Variants in CLVS1 observed in about 807,000 individuals in gnomAD.
CLVS1 encodes clavesin 1, also known as clavesin-1.
Under a neutral mutation model 33.1 loss-of-function variants are expected in CLVS1, and 10 were observed. That is an observed-to-expected ratio of 0.30 (90% CI 0.19 to 0.51). The LOEUF is 0.51. Among genes scored for constraint, CLVS1 ranks in the 20% least tolerant of loss-of-function variants. The pLI is 0.97. For missense variants in CLVS1, 343 were observed against 433.4 expected (o/e 0.79, Z 1.85); for synonymous variants, 163 against 166.1 (o/e 0.98, Z 0.14).
chr8:61,028,049 C>T, the CLVS1 span, among the ~76,000 whole-genome samples: 1 of 152,202 alleles, frequency 6.6e-6, no homozygotes, highest in Non-Finnish European at 1.5e-5. Context: ...AAATATGATA[C>T]ATTTCCCTGC....
intron 3 of CLVS1, among the ~76,000 whole-genome samples, chr8:61,396,647 C>T (rs1814539138): frequency 6.6e-6 from 1 of 152,092 alleles, no homozygotes; most frequent in African/African-American, 2.4e-5. Context: ...ATTTTCATTA[C>T]CCCCAAAAAC....
intron 2 of CLVS1, among the ~76,000 whole-genome samples, chr8:61,333,301 C>T (rs943745270): frequency 6.6e-6 from 1 of 152,136 alleles, no homozygotes; most frequent in African/African-American, 2.4e-5. Context: ...AACCAGAAAA[C>T]TCCTTTACGT....
Position 61,121,459 on chromosome 8 carries a change from G to T in CLVS1, c.-242-10311G>T, listed in dbSNP as rs144227836. Among the ~76,000 whole-genome samples the T allele has an allele frequency of 1.2e-3, 179 of 152,292 alleles. 1 individual carries two copies. Among genetic ancestry groups the T allele is most frequent in the Non-Finnish European group, 1.9e-3 (130 of 68,032 alleles). On this transcript the variant is annotated intron_variant, in intron 1 of 2. Coordinates refer to the CLVS1 transcript ENST00000522621. Reference sequence around the variant, plus strand: ...ACTCTGTGTGTGTGTTTGTGTGTGTGTGTATGTGAATGCGTGTATCTGTTT... The same window carrying T: ...ACTCTGTGTGTGTGTTTGTGTGTGTTTGTATGTGAATGCGTGTATCTGTTT...
the CLVS1 span, among the ~76,000 whole-genome samples, chr8:60,986,669 A>G: frequency 5.2e-3 from 789 of 152,382 alleles, 7 homozygotes; most frequent in Non-Finnish European, 7.1e-3. Context: ...TTTGTTGTTA[A>G]CATGGTAAAC....
intron 2 of CLVS1, among the ~76,000 whole-genome samples, chr8:61,242,121 G>T (rs889961848): frequency 4.6e-5 from 7 of 151,922 alleles, no homozygotes; most frequent in Non-Finnish European, 1.0e-4. Flanking sequence ...ATATGATCAG[G>T]CATGGTTTTC....
chr8:61,190,645 AAAGAG>A (rs1807451371), intron 2 of CLVS1, among the ~76,000 whole-genome samples: 1 of 152,348 alleles, frequency 6.6e-6, no homozygotes, highest in South Asian at 2.1e-4. Context: ...TTAAAGAAGA[AAAGAG>A]AGAAGAATCA....
intron 2 of CLVS1, among the ~76,000 whole-genome samples, chr8:61,339,585 C>A (rs181900720): frequency 2.8e-4 from 42 of 152,168 alleles, no homozygotes; most frequent in African/African-American, 9.6e-4. Flanking sequence ...GACCCCTGGA[C>A]ATAATTGAGA....
At chr8:60,981,055 A>G in the CLVS1 span, among the ~76,000 whole-genome samples, 1 of 152,206 alleles carries the variant, frequency 6.6e-6, no homozygotes, top group Admixed American at 6.5e-5. Flanking sequence ...GAGCCTCCAA[A>G]TGGAGGAGGG....
chr8:61,350,369 A>C (rs1011742865), intron 2 of CLVS1, among the ~76,000 whole-genome samples: 2 of 152,048 alleles, frequency 1.3e-5, no homozygotes, highest in Non-Finnish European at 2.9e-5. Context: ...AATTCTCTCT[A>C]TCTCCCAAGT....
intron 2 of CLVS1, among the ~76,000 whole-genome samples, chr8:61,250,696 A>G (rs1296624998): frequency 6.6e-6 from 1 of 152,132 alleles, no homozygotes; most frequent in African/African-American, 2.4e-5. Flanking sequence ...ATGGGAATTC[A>G]CTCATGATTT....
intron 3 of CLVS1, among the ~76,000 whole-genome samples, chr8:61,423,810 T>TATG (rs1176220190): frequency 6.6e-6 from 1 of 152,186 alleles, no homozygotes; most frequent in African/African-American, 2.4e-5. Context: ...GTCTCTCAGG[T>TATG]ATGAATGGAC....
At chr8:61,447,803 T>C (rs996588190) in intron 3 of CLVS1, among the ~76,000 whole-genome samples, 2 of 152,132 alleles carry the variant, frequency 1.3e-5, no homozygotes, top group Non-Finnish European at 2.9e-5. Flanking sequence ...CCCATAGTAC[T>C]TACCTATAGT....
At chr8:61,035,209 G>A in the CLVS1 span, among the ~76,000 whole-genome samples, 1 of 82,070 alleles carries the variant, frequency 1.2e-5, no homozygotes, top group African/African-American at 4.6e-5. Flanking sequence ...TTTGAGATCT[G>A]CAGCTTCTAG....
At chr8:61,393,041 G>A (rs1451525253) in intron 3 of CLVS1, among the ~76,000 whole-genome samples, 3 of 151,474 alleles carry the variant, frequency 2.0e-5, no homozygotes, top group East Asian at 2.0e-4. Context: ...GTGCCACCAC[G>A]CCCAGCTAAT....
At chr8:61,014,525 C>T in the CLVS1 span, among the ~76,000 whole-genome samples, 378 of 152,272 alleles carry the variant, frequency 2.5e-3, 1 homozygote, top group African/African-American at 6.1e-3. Flanking sequence ...TTCAACTGTA[C>T]GTACACATCA....
intron 2 of CLVS1, among the ~76,000 whole-genome samples, chr8:61,172,564 C>G (rs1038678219): frequency 6.6e-6 from 1 of 152,026 alleles, no homozygotes; most frequent in East Asian, 1.9e-4. Flanking sequence ...TAATATTACT[C>G]ATGAGATTTT....
At chr8:61,002,123 C>T in the CLVS1 span, among the ~76,000 whole-genome samples, 1 of 151,586 alleles carries the variant, frequency 6.6e-6, no homozygotes, top group Non-Finnish European at 1.5e-5. Flanking sequence ...GGACTACAGG[C>T]ATATGTTACC....
At chr8:61,415,455 G>A (rs992101979) in intron 3 of CLVS1, among the ~76,000 whole-genome samples, 2 of 152,246 alleles carry the variant, frequency 1.3e-5, no homozygotes, top group South Asian at 2.1e-4. Flanking sequence ...CAGAAAAAAT[G>A]ACACTAGGAC....
intron 5 of CLVS1, among the ~76,000 whole-genome samples, chr8:61,469,113 C>T (rs536147178): frequency 6.6e-6 from 1 of 152,160 alleles, no homozygotes; most frequent in African/African-American, 2.4e-5. Flanking sequence ...GACCACTCAA[C>T]AAATATTTAC....
Sources: allele counts gnomAD v4.1 joint callset (sites outside exome capture counted in the v4.1 genomes callset), GRCh38; gene constraint gnomAD v4.1.1; transcripts MANE v1.5; gene names NCBI Gene and HGNC (gene_info 2026-07-23, HGNC 2026-07-21).